Variants in TBXAS1 observed in about 807,000 individuals in gnomAD.
TBXAS1 encodes thromboxane A synthase 1.
TBXAS1 carries 48 observed loss-of-function variants against 60.7 expected under a neutral mutation model. The ratio of observed to expected loss-of-function variants is 0.79; its 90% confidence interval spans 0.63 to 1.01. The LOEUF (loss-of-function observed/expected upper bound fraction) is 1.01, where lower values mean the gene tolerates loss of function less well. Ranked by LOEUF, TBXAS1 falls within the 50% of genes least tolerant of loss-of-function variation. TBXAS1 has a pLI of 0.00. For synonymous variants in TBXAS1, 287 were observed against 269.7 expected (o/e 1.06, Z -0.63); for missense variants, 685 against 686.3 (o/e 1.00, Z 0.02).
At chr7:139,890,436 C>T (rs1803504587) in intron 3 of TBXAS1, among the ~76,000 whole-genome samples, 1 of 151,858 alleles carries the variant, frequency 6.6e-6, no homozygotes, top group Non-Finnish European at 1.5e-5. Flanking sequence ...AGGATGGTCT[C>T]GATCTCCTGA....
rs368545505 is a variant in TBXAS1, at chr7:139,930,698, C to T, written c.334-5493C>T. ...CAGAAAGGGGTGGGGAACTGGCCAG[C>T]ACATACCAGGCCTCATAAAACAAGT... is the stretch of plus-strand genomic sequence containing the variant. On this transcript the variant is annotated intron_variant, in intron 4 of 12. Coordinates refer to ENST00000448866, the MANE Select transcript of TBXAS1 (RefSeq NM_001061.7). Among the ~76,000 whole-genome samples, 168 of 152,308 alleles carry T rather than the reference C, an allele frequency of 1.1e-3. 2 individuals are homozygous for T. Among genetic ancestry groups the T allele is most frequent in the African/African-American group, 3.8e-3 (157 of 41,568 alleles).
chr7:139,803,446 A>C (rs184923541), intron 4 of TBXAS1, among the ~76,000 whole-genome samples: 139 of 152,266 alleles, frequency 9.1e-4, no homozygotes, highest in African/African-American at 3.0e-3. Flanking sequence ...AAGTTTGGAA[A>C]ATTTTCAGCC....
At chr7:139,838,185 G>C (rs1799191603) in intron 1 of TBXAS1, among the ~76,000 whole-genome samples, 1 of 152,214 alleles carries the variant, frequency 6.6e-6, no homozygotes, top group Non-Finnish European at 1.5e-5. Context: ...TCTGGGTGCT[G>C]TGAATGGTCC....
chr7:139,877,428 GTTT>G (rs902968074), intron 3 of TBXAS1, among the ~76,000 whole-genome samples: 2 of 149,060 alleles, frequency 1.3e-5, no homozygotes, highest in African/African-American at 4.9e-5. Flanking sequence ...TGTTGTTGTT[GTTT>G]GTTTGTTTTG....
rs1807612402 is a variant in TBXAS1 at position 139,934,792 on chromosome 7, C to T, written c.334-1399C>T. ...ACCAGTCATGTTGGATTAGGGCCCA[C>T]CCTAATGACCTTATTTTACCTTAAT... is the stretch of plus-strand genomic sequence containing the variant. On this transcript the variant is annotated intron_variant, in intron 4 of 12. Coordinates refer to ENST00000448866, the MANE Select transcript of TBXAS1 (RefSeq NM_001061.7). 1.3e-5 allele frequency among the ~76,000 whole-genome samples: 2 copies of T among 152,146 alleles called. 1 individual carries two copies. The highest frequency in any genetic ancestry group is 4.1e-4 in the South Asian group (2 of 4,826).
chr7:139,909,484 A>G (rs1584827704), intron 3 of TBXAS1, among the ~76,000 whole-genome samples: 1 of 152,350 alleles, frequency 6.6e-6, no homozygotes, highest in Non-Finnish European at 1.5e-5. Context: ...AAGCAAACAA[A>G]CAAACACAAA....
chr7:139,879,973 C>T (rs564570588), intron 3 of TBXAS1, among the ~76,000 whole-genome samples: 30 of 152,098 alleles, frequency 2.0e-4, no homozygotes, highest in African/African-American at 5.1e-4. Context: ...CCTCCACCTC[C>T]GAGGTTCAAG....
chr7:139,865,261 T>C (rs1801267829), intron 1 of TBXAS1, among the ~76,000 whole-genome samples: 2 of 152,194 alleles, frequency 1.3e-5, no homozygotes, highest in African/African-American at 4.8e-5. Flanking sequence ...TTCAGGAACA[T>C]CTGCCTTGAG....
At chr7:139,828,863 G>T (rs4590360), upstream of TBXAS1, among the ~76,000 whole-genome samples, 103,859 of 152,128 alleles carry the variant, frequency 0.68, 37,347 homozygotes, top group East Asian at 0.92. Flanking sequence ...CCAGCATTTT[G>T]ATCAGGCTGG....
intron 9 of TBXAS1, among the ~76,000 whole-genome samples, chr7:139,982,684 A>T (rs905863405): frequency 5.9e-5 from 9 of 152,120 alleles, no homozygotes; most frequent in African/African-American, 2.2e-4. Flanking sequence ...TTTAAATGCC[A>T]CTCTTAACCC....
At chr7:139,915,512 C>CTCTCATTATTTAACTTGGAGA (rs1371684546) in intron 4 of TBXAS1, among the ~76,000 whole-genome samples, 1 of 152,212 alleles carries the variant, frequency 6.6e-6, no homozygotes, top group Non-Finnish European at 1.5e-5. Context: ...TTAAATAATG[C>CTCTCATTATTTAACTTGGAGA]ATGCTCTCAT....
At chr7:139,886,372 C>T (rs1584767854) in intron 3 of TBXAS1, among the ~76,000 whole-genome samples, 1 of 149,874 alleles carries the variant, frequency 6.7e-6, no homozygotes, top group African/African-American at 2.5e-5. Flanking sequence ...TAAGGAGGCA[C>T]TCTTTGCAGA....
intron 5 of TBXAS1, among the ~76,000 whole-genome samples, chr7:139,950,358 G>C (rs2117288542): frequency 6.6e-6 from 1 of 152,182 alleles, no homozygotes; most frequent in South Asian, 2.1e-4. Context: ...TTTAATGAGT[G>C]AGTACATCTT....
intron 4 of TBXAS1, among the ~76,000 whole-genome samples, chr7:139,798,367 G>A (rs1797624751): frequency 6.6e-6 from 1 of 152,194 alleles, no homozygotes; most frequent in South Asian, 2.1e-4. Context: ...ATTCCCGCAT[G>A]GGTGGAGCCA....
chr7:139,991,158 G>A (rs114723587), intron 9 of TBXAS1, among the ~76,000 whole-genome samples: 322 of 152,270 alleles, frequency 2.1e-3, no homozygotes, highest in African/African-American at 6.7e-3. Flanking sequence ...GATGGAACTC[G>A]TTTCGATTTT....
chr7:139,873,307 G>C (rs114953696), intron 2 of TBXAS1, among the ~76,000 whole-genome samples: 3,291 of 152,292 alleles, frequency 0.022, 107 homozygotes, highest in African/African-American at 0.075. Flanking sequence ...GGGTAGGAAG[G>C]CACGTGAAGA....
chr7:139,834,362 T>C (rs925420870), intron 1 of TBXAS1, among the ~76,000 whole-genome samples: 2 of 151,976 alleles, frequency 1.3e-5, no homozygotes, highest in Admixed American at 6.6e-5. Context: ...TCAAAAAGTC[T>C]GAAAGAGCAC....
In TBXAS1 at chr7:139,805,702, CTT is replaced by C. The variant is rs1170982957; in HGVS notation, c.-80+18278_-80+18279del. ...TCTTTCTTTCTTTCTTTCTTTCTTT[CTT>C]TCTTTCTTTCTCTCTCTCTCTCTCT... On this transcript the variant is annotated intron_variant, in intron 4 of 16. Coordinates refer to the TBXAS1 transcript ENST00000336425. Among the ~76,000 whole-genome samples the C allele has an allele frequency of 9.7e-3, 413 of 42,480 alleles. 1 individual carries two copies. Among genetic ancestry groups the C allele is most frequent in the East Asian group, 0.026 (32 of 1,212 alleles). 27.9% of individuals were successfully genotyped at this position (42,480 alleles called of 152,430 possible). A position where few individuals can be genotyped will look rare whatever the true frequency, so the allele number is the denominator to read the frequency against.
chr7:139,880,831 G>C (rs115431168), intron 3 of TBXAS1, among the ~76,000 whole-genome samples: 1 of 152,092 alleles, frequency 6.6e-6, no homozygotes, highest in Non-Finnish European at 1.5e-5. Flanking sequence ...CCTAGAAATG[G>C]AATTATTAGG....
Sources: gnomAD v4.1 joint callset for allele counts (sites outside exome capture counted in the v4.1 genomes callset) on GRCh38, gnomAD v4.1.1 for gene constraint, MANE v1.5 for transcripts, NCBI Gene and HGNC (gene_info 2026-07-23, HGNC 2026-07-21) for gene names.